Variants in DNAJC1 observed in about 807,000 individuals in gnomAD.
The protein encoded by DNAJC1 is dnaJ homolog subfamily C member 1.
Under a neutral mutation model 76.6 loss-of-function variants are expected in DNAJC1, and 58 were observed. That is an observed-to-expected ratio of 0.76 (90% CI 0.61 to 0.94). The LOEUF (loss-of-function observed/expected upper bound fraction) is 0.94, where lower values mean the gene tolerates loss of function less well. Ranked by LOEUF, DNAJC1 falls within the 40% of genes least tolerant of loss-of-function variation. The probability of loss-of-function intolerance (pLI) is 0.00; values close to 1 mark genes in which losing one functional copy is unlikely to be tolerated. For synonymous variants in DNAJC1, 258 were observed against 267.9 expected (o/e 0.96, Z 0.36); for missense variants, 689 against 677.3 (o/e 1.02, Z -0.19).
intron 1 of DNAJC1, among the ~76,000 whole-genome samples, chr10:21,977,265 C>A (rs1351981417): frequency 6.6e-6 from 1 of 152,098 alleles, no homozygotes; most frequent in Non-Finnish European, 1.5e-5. Context: ...AAAAAACACA[C>A]ACACACACAC....
chr10:21,906,984 A>T (rs1051963269), intron 6 of DNAJC1, among the ~76,000 whole-genome samples: 3 of 152,102 alleles, frequency 2.0e-5, no homozygotes, highest in African/African-American at 7.2e-5. Flanking sequence ...CAAATCCTGT[A>T]TCTTCTTGCT....
rs539746605 is a variant in DNAJC1, at chr10:21,797,663, C to T, written c.1098+8317G>A. Among the ~76,000 whole-genome samples the T allele has an allele frequency of 9.9e-5, 15 of 152,162 alleles. 1 individual carries two copies. In the South Asian group the frequency reaches 1.0e-3, roughly 11 times the overall value. ...CATGAATGGGTTAATGACCTTATGG[C>T]GGGAGTGGGTTATTGCAGGAGTGAG... On this transcript the variant is annotated intron_variant, in intron 9 of 11. Transcript: ENST00000376980.
chr10:21,851,027 C>T (rs1045982786), intron 8 of DNAJC1, among the ~76,000 whole-genome samples: 1 of 152,066 alleles, frequency 6.6e-6, no homozygotes, highest in African/African-American at 2.4e-5. Context: ...GAATCAACAA[C>T]CTAAATATAA....
At chr10:21,943,243 T>C (rs1378420171) in intron 1 of DNAJC1, among the ~76,000 whole-genome samples, 1 of 151,652 alleles carries the variant, frequency 6.6e-6, no homozygotes. Flanking sequence ...CAAAACAAAG[T>C]AGGAAGAAGA....
chr10:21,966,232 T>A (rs1837886594), intron 1 of DNAJC1, among the ~76,000 whole-genome samples: 1 of 152,192 alleles, frequency 6.6e-6, no homozygotes, highest in African/African-American at 2.4e-5. Context: ...TTCTTACTGG[T>A]AATACTAACA....
intron 9 of DNAJC1, among the ~76,000 whole-genome samples, chr10:21,805,576 T>C (rs1475237879): frequency 6.6e-6 from 1 of 152,102 alleles, no homozygotes; most frequent in African/African-American, 2.4e-5. Context: ...GCTCATTTAA[T>C]TAATCAGAAC....
intron 7 of DNAJC1, among the ~76,000 whole-genome samples, chr10:21,891,674 G>C (rs1252372233): frequency 6.6e-6 from 1 of 152,038 alleles, no homozygotes; most frequent in African/African-American, 2.4e-5. Flanking sequence ...TTCAAATGCT[G>C]AAAGAAAGTA....
At chr10:21,796,306 T>A (rs1170447735) in intron 9 of DNAJC1, among the ~76,000 whole-genome samples, 1 of 152,144 alleles carries the variant, frequency 6.6e-6, no homozygotes, top group Non-Finnish European at 1.5e-5. Flanking sequence ...TATTCTATTA[T>A]ATGTACATCC....
At chr10:21,903,657 G>C (rs1010385825) in intron 7 of DNAJC1, among the ~76,000 whole-genome samples, 9 of 152,094 alleles carry the variant, frequency 5.9e-5, no homozygotes, top group Non-Finnish European at 1.3e-4. Context: ...GAGATGAACA[G>C]TCTCTGTTCT....
rs746182216 is a variant in DNAJC1, at chr10:21,920,977, A to G, written c.372-14T>C. ...ATATCATCATACCTACAGTACAAAT[A>G]TAACAGTTTTTCACGGGGAGTTTAA... On this transcript the variant is annotated splice_polypyrimidine_tract_variant and intron_variant, in intron 3 of 11. Transcript: ENST00000376980. The G allele has an allele frequency of 6.5e-6, 10 of 1,528,518 alleles. No individual in the cohort carries two copies. Among genetic ancestry groups the G allele is most frequent in the Non-Finnish European group, 8.8e-6 (10 of 1,133,962 alleles). 94.7% of individuals were successfully genotyped at this position (1,528,518 alleles called of 1,614,324 possible).
At chr10:21,907,471 C>T (rs1414652225) in intron 6 of DNAJC1, among the ~76,000 whole-genome samples, 1 of 152,124 alleles carries the variant, frequency 6.6e-6, no homozygotes, top group Non-Finnish European at 1.5e-5. Flanking sequence ...TGGGGTATCA[C>T]ACTTTAAGAT....
intron 7 of DNAJC1, among the ~76,000 whole-genome samples, chr10:21,898,083 G>A (rs1564820924): frequency 1.3e-5 from 2 of 152,052 alleles, no homozygotes; most frequent in Non-Finnish European, 2.9e-5. Context: ...GTGAACATGC[G>A]GAAACTGAAA....
chr10:21,924,173 A>G lies in DNAJC1; in HGVS notation c.372-3210T>C, dbSNP rs546546501. On this transcript the variant is annotated intron_variant, in intron 3 of 11. Transcript: ENST00000376980. The stretch of plus-strand genomic sequence containing the variant: ...ATATATATGCCAAAAATTGTGGTAC[A>G]CTGCACTTTATTTAGGAAAGGTGCC... Among the ~76,000 whole-genome samples the G allele has an allele frequency of 9.8e-4, 149 of 152,136 alleles. 1 individual carries two copies. The highest frequency in any genetic ancestry group is 3.5e-3 in the African/African-American group (144 of 41,564).
In DNAJC1 at chr10:21,875,751, C is replaced by T. The variant is rs550347182; in HGVS notation, c.978+6531G>A. On this transcript the variant is annotated intron_variant, in intron 8 of 11. Coordinates refer to ENST00000376980, the MANE Select transcript of DNAJC1 (RefSeq NM_022365.4). ...ACCAGCCTGGCCAACATGACGAAAC[C>T]CCATCTCTACTACAAATACAAAAAT... is the stretch of plus-strand genomic sequence containing the variant. 2.6e-4 allele frequency among the ~76,000 whole-genome samples: 40 copies of T among 152,146 alleles called. No homozygotes were observed. The East Asian group carries it at 7.5e-3, about 29-fold the overall frequency.
intron 9 of DNAJC1, among the ~76,000 whole-genome samples, chr10:21,768,654 A>G (rs371960259): frequency 9.9e-5 from 15 of 152,186 alleles, no homozygotes; most frequent in African/African-American, 3.6e-4. Context: ...ACACTTTTCA[A>G]TTTTGTTCCC....
chr10:21,829,308 GGT>G (rs1451495960), intron 8 of DNAJC1, among the ~76,000 whole-genome samples: 1 of 152,064 alleles, frequency 6.6e-6, no homozygotes, highest in Non-Finnish European at 1.5e-5. Context: ...CCGCCTCCCG[GGT>G]TCACACCATT....
At chr10:21,792,290 A>G (rs1244012839) in intron 9 of DNAJC1, among the ~76,000 whole-genome samples, 1 of 152,250 alleles carries the variant, frequency 6.6e-6, no homozygotes, top group Non-Finnish European at 1.5e-5. Context: ...CAGATACTCA[A>G]AGAAGATATA....
chr10:21,916,205 A>G (rs760993125), intron 6 of DNAJC1, among the ~76,000 whole-genome samples: 26 of 152,192 alleles, frequency 1.7e-4, no homozygotes, highest in Non-Finnish European at 3.2e-4. Flanking sequence ...TTTAAAAATA[A>G]AACAATGGCC....
chr10:21,906,884 T>C (rs1361593602), intron 6 of DNAJC1, among the ~76,000 whole-genome samples: 2 of 152,198 alleles, frequency 1.3e-5, no homozygotes, highest in Admixed American at 1.3e-4. Flanking sequence ...TTAGCTATTT[T>C]TATTATTACT....
Sources: gnomAD v4.1 joint callset for allele counts (sites outside exome capture counted in the v4.1 genomes callset) on GRCh38, gnomAD v4.1.1 for gene constraint, MANE v1.5 for transcripts, NCBI Gene and HGNC (gene_info 2026-07-23, HGNC 2026-07-21) for gene names.